DCAF8L2: variants seen among roughly 807,000 people sequenced by gnomAD.
DCAF8L2 encodes DDB1- and CUL4-associated factor 8-like protein 2.
For synonymous variants in DCAF8L2, 200 were observed against 190.9 expected (o/e 1.05, Z -0.39); for missense variants, 430 against 490.7 (o/e 0.88, Z 1.17).
At chrX:27,489,136 C>T in the DCAF8L2 span, among the ~76,000 whole-genome samples, 1 of 111,627 alleles carries the variant, frequency 9.0e-6, no homozygotes, top group African/African-American at 3.3e-5. Flanking sequence ...CTCGTTCTGT[C>T]GCCCAGGCTG....
At chrX:27,539,733 CA>C in the DCAF8L2 span, among the ~76,000 whole-genome samples, 48,259 of 108,977 alleles carry the variant, frequency 0.44, 9,149 homozygotes, top group South Asian at 0.68. Flanking sequence ...GATATATATC[CA>C]GTGTAAAGTT....
intron 1 of DCAF8L2, among the ~76,000 whole-genome samples, chrX:27,591,462 A>G (rs1926088867): frequency 9.0e-6 from 1 of 111,266 alleles, no homozygotes; most frequent in African/African-American, 3.3e-5. Flanking sequence ...AAAATAAGGC[A>G]GTAAGTTGTT....
chrX:27,483,305 GA>G, the DCAF8L2 span, among the ~76,000 whole-genome samples: 1 of 111,125 alleles, frequency 9.0e-6, no homozygotes, highest in Admixed American at 9.6e-5. Context: ...CATGGGCCTG[GA>G]ATGTTCACAA....
the DCAF8L2 span, among the ~76,000 whole-genome samples, chrX:27,577,138 A>G: frequency 3.6e-5 from 4 of 112,350 alleles, no homozygotes; most frequent in Admixed American, 9.5e-5. Context: ...AACGAGAAAT[A>G]CAAATGTCAA....
At chrX:27,672,437 C>T (rs780749913) in intron 2 of DCAF8L2, among the ~76,000 whole-genome samples, 49 of 112,120 alleles carry the variant, frequency 4.4e-4, no homozygotes, top group Non-Finnish European at 6.8e-4. Flanking sequence ...AAGAACACTA[C>T]GTTTTCCTAC....
the DCAF8L2 span, among the ~76,000 whole-genome samples, chrX:27,576,143 A>G: frequency 8.9e-6 from 1 of 112,514 alleles, no homozygotes; most frequent in Non-Finnish European, 1.9e-5. Flanking sequence ...AGTTCAATGC[A>G]ATGTAGCTGC....
chrX:27,594,274 T>G (rs1926249961), intron 1 of DCAF8L2, among the ~76,000 whole-genome samples: 1 of 112,029 alleles, frequency 8.9e-6, no homozygotes, highest in Admixed American at 9.5e-5. Flanking sequence ...TGCAGTCAGT[T>G]TATCATTCTA....
At chrX:27,537,825 C>T in the DCAF8L2 span, among the ~76,000 whole-genome samples, 13,294 of 111,460 alleles carry the variant, frequency 0.12, 626 homozygotes, top group Non-Finnish European at 0.14. Flanking sequence ...CATGCAAAGA[C>T]GCTGAGGTAT....
At chrX:27,721,905 A>C (rs1931912266) in intron 4 of DCAF8L2, among the ~76,000 whole-genome samples, 1 of 112,031 alleles carries the variant, frequency 8.9e-6, no homozygotes, top group Non-Finnish European at 1.9e-5. Flanking sequence ...CCTCCCTGTG[A>C]ATAACACCAA....
chrX:27,724,199 A>C lies in DCAF8L2; in HGVS notation c.-59+8028A>C, dbSNP rs887345877. On this transcript the variant is annotated intron_variant, in intron 4 of 4. Transcript: ENST00000451261. Reference sequence around the variant, plus strand: ...TACTCAAAAAATTAACTCTTAAAAAATAATCATAGGAATATGGCCCTGCTC... The same window carrying C: ...TACTCAAAAAATTAACTCTTAAAAACTAATCATAGGAATATGGCCCTGCTC... Among the ~76,000 whole-genome samples, 4 of 110,979 alleles carry C rather than the reference A, an allele frequency of 3.6e-5. No individual in the cohort carries two copies. The Admixed American group carries it at 3.9e-4, about 11-fold the overall frequency.
At chrX:27,533,140 A>AAAGAG in the DCAF8L2 span, among the ~76,000 whole-genome samples, 30 of 26,859 alleles carry the variant, frequency 1.1e-3, no homozygotes, top group African/African-American at 5.2e-3. Flanking sequence ...GGAAGGAAGG[A>AAAGAG]AGAAAGAGAG....
chrX:27,569,116 A>G, the DCAF8L2 span, among the ~76,000 whole-genome samples: 1 of 111,406 alleles, frequency 9.0e-6, no homozygotes, highest in Non-Finnish European at 1.9e-5. Context: ...TCAAAGATGA[A>G]GAGGATATTG....
At chrX:27,597,258 T>C (rs1448526074) in intron 1 of DCAF8L2, among the ~76,000 whole-genome samples, 1 of 111,841 alleles carries the variant, frequency 8.9e-6, no homozygotes, top group Non-Finnish European at 1.9e-5. Flanking sequence ...AAAAATAACA[T>C]GGAGCATTCA....
chrX:27,477,275 G>A, the DCAF8L2 span, among the ~76,000 whole-genome samples: 17 of 111,852 alleles, frequency 1.5e-4, no homozygotes, highest in East Asian at 2.8e-4. Context: ...GAGTGTTTGT[G>A]TGTTTCTCTT....
At chrX:27,536,195 C>T in the DCAF8L2 span, among the ~76,000 whole-genome samples, 3 of 111,915 alleles carry the variant, frequency 2.7e-5, no homozygotes, top group Non-Finnish European at 5.6e-5. Flanking sequence ...TACTGAGGAA[C>T]GAAACCCAAC....
chrX:27,623,278 A>G (rs768463901), intron 1 of DCAF8L2, among the ~76,000 whole-genome samples: 1 of 111,384 alleles, frequency 9.0e-6, no homozygotes, highest in Non-Finnish European at 1.9e-5. Flanking sequence ...CCTAGAATAT[A>G]TAGTTTATTG....
the DCAF8L2 span, among the ~76,000 whole-genome samples, chrX:27,552,735 T>G: frequency 8.9e-6 from 1 of 111,962 alleles, no homozygotes; most frequent in South Asian, 3.7e-4. Flanking sequence ...AGCATGATGC[T>G]TCCAGCTTTG....
intron 2 of DCAF8L2, among the ~76,000 whole-genome samples, chrX:27,670,872 G>A (rs1602718652): frequency 8.9e-6 from 1 of 111,760 alleles, no homozygotes; most frequent in South Asian, 3.7e-4. Context: ...TGCCATAAGT[G>A]GAAGCAGTCT....
At chrX:27,739,356 C>T (rs895646561) in intron 4 of DCAF8L2, among the ~76,000 whole-genome samples, 2 of 111,697 alleles carry the variant, frequency 1.8e-5, no homozygotes, top group Non-Finnish European at 1.9e-5. Flanking sequence ...AACCTCTTGG[C>T]AATATTTGGC....
Sources: gnomAD v4.1 joint callset for allele counts (sites outside exome capture counted in the v4.1 genomes callset) on GRCh38, gnomAD v4.1.1 for gene constraint, MANE v1.5 for transcripts, NCBI Gene and HGNC (gene_info 2026-07-23, HGNC 2026-07-21) for gene names.